CNTNAP2: variants seen among roughly 807,000 people sequenced by gnomAD.
The protein encoded by CNTNAP2 is contactin-associated protein-like 2.
CNTNAP2 carries 98 observed loss-of-function variants against 155.2 expected under a neutral mutation model. That is an observed-to-expected ratio of 0.63 (90% CI 0.54 to 0.75). The LOEUF is 0.75. CNTNAP2 is among the 30% of genes least tolerant of loss of function. CNTNAP2 has a pLI of 0.00. For synonymous variants in CNTNAP2, 651 were observed against 631.2 expected, an observed-to-expected ratio of 1.03 and a Z score of -0.47; for missense variants, 1,727 against 1,688.1, an observed-to-expected ratio of 1.02 and a Z score of -0.40.
At chr7:147,614,158 C>A (rs1222495513) in intron 12 of CNTNAP2, among the ~76,000 whole-genome samples, 3 of 152,116 alleles carry the variant, frequency 2.0e-5, no homozygotes, top group Admixed American at 2.0e-4. Flanking sequence ...GGCCAATTGT[C>A]TCTGCATTGT....
intron 8 of CNTNAP2, among the ~76,000 whole-genome samples, chr7:147,139,174 G>A (rs1801548944): frequency 6.6e-6 from 1 of 152,004 alleles, no homozygotes; most frequent in Admixed American, 6.6e-5. Context: ...AGATAATATT[G>A]TATCTACTTA....
chr7:147,818,242 C>G (rs1175768288), intron 13 of CNTNAP2, among the ~76,000 whole-genome samples: 1 of 152,068 alleles, frequency 6.6e-6, no homozygotes, highest in African/African-American at 2.4e-5. Context: ...CTTTGAGGCT[C>G]TGTATCTCAG....
intron 10 of CNTNAP2, among the ~76,000 whole-genome samples, chr7:147,452,537 C>T (rs759554317): frequency 1.3e-5 from 2 of 152,080 alleles, no homozygotes; most frequent in Non-Finnish European, 2.9e-5. Context: ...TCCTATAAAT[C>T]AGCCTGGTGT....
At chr7:146,286,111 T>C (rs896205050) in intron 1 of CNTNAP2, among the ~76,000 whole-genome samples, 2 of 143,194 alleles carry the variant, frequency 1.4e-5, no homozygotes, top group Non-Finnish European at 3.0e-5. Flanking sequence ...TCATGGGCAA[T>C]CGAATTTCTT....
chr7:146,466,692 A>C (rs549185892), intron 1 of CNTNAP2, among the ~76,000 whole-genome samples: 5 of 152,316 alleles, frequency 3.3e-5, no homozygotes, highest in African/African-American at 9.6e-5. Flanking sequence ...TAAGCGTAAT[A>C]AATGACTGAA....
intron 21 of CNTNAP2, among the ~76,000 whole-genome samples, chr7:148,308,016 C>T (rs765164380): frequency 1.2e-4 from 18 of 152,138 alleles, no homozygotes; most frequent in Non-Finnish European, 2.2e-4. Flanking sequence ...ATATTCTTGA[C>T]TTATTAAAGC....
chr7:147,995,201 C>A (rs1024806908), intron 15 of CNTNAP2, among the ~76,000 whole-genome samples: 2 of 152,152 alleles, frequency 1.3e-5, no homozygotes, highest in African/African-American at 4.8e-5. Flanking sequence ...CCCAGACTCC[C>A]AGAAGAAAGG....
chr7:148,115,640 C>T (rs537380620), intron 15 of CNTNAP2, among the ~76,000 whole-genome samples: 11 of 152,174 alleles, frequency 7.2e-5, no homozygotes, highest in South Asian at 2.1e-4. Flanking sequence ...TGCACCTGAA[C>T]GCCTCTTGCT....
intron 8 of CNTNAP2, among the ~76,000 whole-genome samples, chr7:147,178,998 G>C (rs1802405127): frequency 6.6e-6 from 1 of 152,118 alleles, no homozygotes; most frequent in African/African-American, 2.4e-5. Flanking sequence ...GGGTGCTGGA[G>C]TTCAGGGGCT....
In CNTNAP2 at chr7:147,330,738, C is replaced by A. The variant is rs544284617; in HGVS notation, c.1498+30448C>A. 6.6e-5 allele frequency among the ~76,000 whole-genome samples: 10 copies of A among 152,244 alleles called. No individual in the cohort carries two copies. In the South Asian group the frequency reaches 2.1e-3, roughly 32 times the overall value. ...ACAAGTCAGTGATCCTGTTCATCAT[C>A]CTTGGCTTCACCCTGAACTCCTCAT... is the stretch of plus-strand genomic sequence containing the variant. On this transcript the variant is annotated intron_variant, in intron 9 of 23. Transcript: ENST00000361727.
intron 12 of CNTNAP2, among the ~76,000 whole-genome samples, chr7:147,601,017 T>A (rs1017689404): frequency 1.3e-5 from 2 of 152,130 alleles, no homozygotes; most frequent in Non-Finnish European, 2.9e-5. Flanking sequence ...AAATGTAGAT[T>A]TTTTCTCTTC....
intron 20 of CNTNAP2, among the ~76,000 whole-genome samples, chr7:148,236,435 C>A (rs1200466461): frequency 1.3e-5 from 2 of 152,110 alleles, no homozygotes; most frequent in East Asian, 3.9e-4. Context: ...AGACTTTTTT[C>A]TATTCTTTTC....
At chr7:146,630,983 C>G (rs2129158711) in intron 1 of CNTNAP2, among the ~76,000 whole-genome samples, 1 of 152,142 alleles carries the variant, frequency 6.6e-6, no homozygotes, top group East Asian at 1.9e-4. Flanking sequence ...GCCATACTGC[C>G]CAAAGTAATT....
chr7:147,770,376 A>C (rs973098466), intron 13 of CNTNAP2, among the ~76,000 whole-genome samples: 1 of 152,232 alleles, frequency 6.6e-6, no homozygotes, highest in African/African-American at 2.4e-5. Flanking sequence ...GAGAAAAAAC[A>C]AAAGAGGGAG....
At chr7:146,249,190 G>GAT (rs1160409303) in intron 1 of CNTNAP2, among the ~76,000 whole-genome samples, 4 of 152,186 alleles carry the variant, frequency 2.6e-5, no homozygotes, top group Admixed American at 2.0e-4. Flanking sequence ...GGTCACAGGG[G>GAT]ATATGATGGC....
chr7:147,573,403 A>G (rs1427024910), intron 12 of CNTNAP2, among the ~76,000 whole-genome samples: 1 of 152,130 alleles, frequency 6.6e-6, no homozygotes, highest in African/African-American at 2.4e-5. Context: ...CTTCATCATC[A>G]TTACTGTTGT....
chr7:146,930,294 A>G (rs577953172), intron 3 of CNTNAP2, among the ~76,000 whole-genome samples: 1 of 152,144 alleles, frequency 6.6e-6, no homozygotes. Context: ...CAACATTCAT[A>G]AAGAAAAGAA....
intron 8 of CNTNAP2, among the ~76,000 whole-genome samples, chr7:147,141,273 C>G (rs1801589243): frequency 6.6e-6 from 1 of 152,124 alleles, no homozygotes; most frequent in Non-Finnish European, 1.5e-5. Context: ...TCCATTATCT[C>G]TTTACCCTAA....
At chr7:147,212,223 A>T (rs1803164289) in intron 8 of CNTNAP2, among the ~76,000 whole-genome samples, 1 of 152,092 alleles carries the variant, frequency 6.6e-6, no homozygotes, top group African/African-American at 2.4e-5. Flanking sequence ...GTTATCCAGC[A>T]CAACAATCCC....
Sources: allele counts gnomAD v4.1 joint callset (sites outside exome capture counted in the v4.1 genomes callset), GRCh38; gene constraint gnomAD v4.1.1; transcripts MANE v1.5; gene names NCBI Gene and HGNC (gene_info 2026-07-23, HGNC 2026-07-21).